The following CNTNAP5 variants were observed in gnomAD, a reference collection of about 807,000 sequenced individuals.
CNTNAP5 encodes contactin-associated protein-like 5.
A neutral mutation model predicts 150.2 loss-of-function variants in CNTNAP5; 72 were observed. The ratio of observed to expected loss-of-function variants is 0.48; its 90% CI spans 0.40 to 0.58. The LOEUF (loss-of-function observed/expected upper bound fraction) is 0.58. Ranked by LOEUF, CNTNAP5 falls within the 20% of genes least tolerant of loss-of-function variation. CNTNAP5 has a pLI of 0.00. For missense variants in CNTNAP5, 1,636 were observed against 1,626.2 expected, an observed-to-expected ratio of 1.01 and a Z score of -0.10; for synonymous variants, 672 against 619.8, an observed-to-expected ratio of 1.08 and a Z score of -1.25.
intron 15 of CNTNAP5, 25 bp downstream of exon 15, chr2:124,763,824 TTCTC>T: frequency 6.2e-7 from 1 of 1,612,510 alleles, no homozygotes; most frequent in Non-Finnish European, 8.5e-7. Context: ...GAAAGAAGCT[TTCTC>T]TCTGCATTAC....
At chr2:124,606,133 A>G (rs1236444790) in intron 11 of CNTNAP5, among the ~76,000 whole-genome samples, 2 of 152,162 alleles carry the variant, frequency 1.3e-5, no homozygotes, top group Admixed American at 1.3e-4. Context: ...TTCAAGAAAA[A>G]CTAAATTTTG....
chr2:124,827,600 G>T (rs2104676817), intron 19 of CNTNAP5, among the ~76,000 whole-genome samples: 1 of 152,234 alleles, frequency 6.6e-6, no homozygotes, highest in African/African-American at 2.4e-5. Context: ...AGTATCTGAG[G>T]TTAGAGGAAG....
intron 11 of CNTNAP5, among the ~76,000 whole-genome samples, chr2:124,588,205 T>TTTC (rs1696595782): frequency 6.9e-6 from 1 of 145,948 alleles, no homozygotes; most frequent in East Asian, 2.1e-4. Context: ...TCTTTCTTTC[T>TTTC]TTCTTTCTTT....
At chr2:124,340,887 C>T (rs574917999) in intron 3 of CNTNAP5, among the ~76,000 whole-genome samples, 20 of 142,034 alleles carry the variant, frequency 1.4e-4, no homozygotes, top group African/African-American at 4.6e-4. Context: ...TATATATATA[C>T]ATATATATAT....
chr2:124,670,258 A>G (rs535387743), intron 13 of CNTNAP5, among the ~76,000 whole-genome samples: 2 of 129,212 alleles, frequency 1.5e-5, no homozygotes, highest in East Asian at 4.4e-4. Context: ...TTCTTTCTTA[A>G]GAGTTATGTT....
At chr2:124,560,110 A>G (rs1318778010) in intron 10 of CNTNAP5, among the ~76,000 whole-genome samples, 1 of 152,332 alleles carries the variant, frequency 6.6e-6, no homozygotes, top group Non-Finnish European at 1.5e-5. Flanking sequence ...TGTGTGAGGC[A>G]TATTAAATAT....
intron 1 of CNTNAP5, among the ~76,000 whole-genome samples, chr2:124,062,071 A>C (rs1573726237): frequency 6.6e-6 from 1 of 152,152 alleles, no homozygotes. Context: ...CTTCAGGGCT[A>C]CCTATCAACT....
chr2:124,215,726 A>AT (rs1686140285), intron 1 of CNTNAP5, among the ~76,000 whole-genome samples: 1 of 145,852 alleles, frequency 6.9e-6, no homozygotes, highest in Non-Finnish European at 1.5e-5. Flanking sequence ...AAAAAAAAAA[A>AT]AAAAAAAGAA....
Position 124,544,848 on chromosome 2 carries a change from T to G in CNTNAP5, c.1649+17392T>G, listed in dbSNP as rs137947342. Reference sequence around the variant, plus strand: ...TCAAATTCAGATCTGGTGTGGTAGATTTAATGTCAGCCTTAGCAGCCCAGG... The same window carrying G: ...TCAAATTCAGATCTGGTGTGGTAGAGTTAATGTCAGCCTTAGCAGCCCAGG... On this transcript the variant is annotated intron_variant, in intron 10 of 23. Coordinates refer to ENST00000682447, the MANE Select transcript of CNTNAP5 (RefSeq NM_001367498.1). 4.8e-4 allele frequency among the ~76,000 whole-genome samples: 73 copies of G among 152,288 alleles called. 1 individual carries two copies. The highest frequency in any genetic ancestry group is 8.5e-4 in the Non-Finnish European group (58 of 68,014).
At chr2:124,538,913 A>G (rs1191346952) in intron 10 of CNTNAP5, among the ~76,000 whole-genome samples, 1 of 152,192 alleles carries the variant, frequency 6.6e-6, no homozygotes, top group East Asian at 1.9e-4. Flanking sequence ...AGAGCCTTCC[A>G]TCTGTTTCTC....
At chr2:124,736,619 A>G (rs1008661013) in intron 13 of CNTNAP5, among the ~76,000 whole-genome samples, 28 of 152,336 alleles carry the variant, frequency 1.8e-4, no homozygotes, top group African/African-American at 6.5e-4. Flanking sequence ...CAAAGGCTTA[A>G]TAGATGTCTC....
chr2:124,281,160 G>A (rs952347731), intron 3 of CNTNAP5, among the ~76,000 whole-genome samples: 1 of 152,074 alleles, frequency 6.6e-6, no homozygotes, highest in African/African-American at 2.4e-5. Context: ...AATCCTCAAA[G>A]AATTGTCAAG....
chr2:124,520,822 A>T (rs546264632), intron 8 of CNTNAP5, among the ~76,000 whole-genome samples: 1 of 152,342 alleles, frequency 6.6e-6, no homozygotes, highest in Admixed American at 6.5e-5. Context: ...ATCTCAAGGA[A>T]GTTTGGGAAA....
chr2:124,818,459 G>A (rs1573637801), intron 19 of CNTNAP5, among the ~76,000 whole-genome samples: 1 of 151,618 alleles, frequency 6.6e-6, no homozygotes, highest in Non-Finnish European at 1.5e-5. Flanking sequence ...CCCAAGGGGG[G>A]TTTGCATGGC....
At chr2:124,207,582 C>T (rs947605031) in intron 1 of CNTNAP5, among the ~76,000 whole-genome samples, 3 of 152,192 alleles carry the variant, frequency 2.0e-5, no homozygotes, top group Non-Finnish European at 2.9e-5. Flanking sequence ...ACTTACCACT[C>T]CCTTCATCAC....
chr2:124,032,563 CAA>C (rs1001368044), intron 1 of CNTNAP5, among the ~76,000 whole-genome samples: 4 of 151,740 alleles, frequency 2.6e-5, no homozygotes, highest in African/African-American at 9.7e-5. Flanking sequence ...TCTGAATCTA[CAA>C]AAGTTACACA....
chr2:124,203,003 C>T (rs1222680933), intron 1 of CNTNAP5, among the ~76,000 whole-genome samples: 1 of 152,130 alleles, frequency 6.6e-6, no homozygotes, highest in Non-Finnish European at 1.5e-5. Flanking sequence ...CTAATTTCAG[C>T]ATGATCTCAA....
chr2:124,658,708 G>C (rs1678511014), intron 13 of CNTNAP5, among the ~76,000 whole-genome samples: 1 of 152,162 alleles, frequency 6.6e-6, no homozygotes, highest in Non-Finnish European at 1.5e-5. Context: ...ATTTATTACT[G>C]TAGCATATGT....
chr2:124,905,559 G>A (rs1678518203), intron 22 of CNTNAP5, among the ~76,000 whole-genome samples: 1 of 152,122 alleles, frequency 6.6e-6, no homozygotes, highest in African/African-American at 2.4e-5. Context: ...GTCTGAAAAT[G>A]TATCTGGGAT....
Sources: gnomAD v4.1 joint callset for allele counts (sites outside exome capture counted in the v4.1 genomes callset) on GRCh38, gnomAD v4.1.1 for gene constraint, MANE v1.5 for transcripts, NCBI Gene and HGNC (gene_info 2026-07-23, HGNC 2026-07-21) for gene names.